The following GSE1 variants were observed in gnomAD, a reference collection of about 807,000 sequenced individuals.
The protein encoded by GSE1 is Gse1 coiled-coil protein.
Under a neutral mutation model 112.6 loss-of-function variants are expected in GSE1, and 32 were observed. The observed-to-expected ratio is 0.28, with a 90% CI of 0.21 to 0.38. The LOEUF is 0.38. Ranked by LOEUF, GSE1 falls within the 10% of genes least tolerant of loss-of-function variation. The probability of loss-of-function intolerance (pLI) is 1.00; values close to 1 mark genes in which losing one functional copy is unlikely to be tolerated. For missense variants in GSE1, 2,348 were observed against 1,699.2 expected (o/e 1.38, Z -6.71); for synonymous variants, 1,115 against 735.6 (o/e 1.52, Z -8.35).
chr16:85,636,580 C>T (rs560507986), intron 2 of GSE1, among the ~76,000 whole-genome samples: 201 of 152,326 alleles, frequency 1.3e-3, no homozygotes, highest in African/African-American at 4.6e-3. Flanking sequence ...GCAGCCCTCC[C>T]GGGACCCTCG....
chr16:85,340,596 G>A (rs549724475), intron 1 of GSE1, among the ~76,000 whole-genome samples: 3 of 152,228 alleles, frequency 2.0e-5, no homozygotes, highest in African/African-American at 2.4e-5. Flanking sequence ...AGCCAAGATC[G>A]CGTCACTGTA....
intron 1 of GSE1, among the ~76,000 whole-genome samples, chr16:85,633,661 C>T (rs1401416796): frequency 6.6e-6 from 1 of 152,238 alleles, no homozygotes; most frequent in Non-Finnish European, 1.5e-5. Context: ...AGGGACAGTG[C>T]TGGCCCAAGC....
At chr16:85,417,429 C>A (rs962129840) in intron 2 of GSE1, among the ~76,000 whole-genome samples, 2 of 135,706 alleles carry the variant, frequency 1.5e-5, no homozygotes, top group African/African-American at 5.4e-5. Context: ...CCTCTGTGTT[C>A]TCCCTGCAGC....
At chr16:85,317,989 G>A (rs1170769251) in intron 1 of GSE1, among the ~76,000 whole-genome samples, 1 of 152,194 alleles carries the variant, frequency 6.6e-6, no homozygotes, top group African/African-American at 2.4e-5. Context: ...GAGAGGAATT[G>A]GCAAGCCAGT....
At chr16:85,601,405 A>T (rs976821558) in intron 1 of GSE1, among the ~76,000 whole-genome samples, 1 of 152,054 alleles carries the variant, frequency 6.6e-6, no homozygotes, top group Non-Finnish European at 1.5e-5. Context: ...TGCAGGGGCC[A>T]GGCTGGTGGG....
At chr16:85,664,261 C>T (rs559536086) in intron 11 of GSE1, among the ~76,000 whole-genome samples, 47 of 152,368 alleles carry the variant, frequency 3.1e-4, no homozygotes, top group Admixed American at 7.2e-4. Context: ...GCCCCTTACG[C>T]ACGCTTTCAA....
At chr16:85,202,590 C>G (rs963863663) in intron 1 of GSE1, among the ~76,000 whole-genome samples, 12 of 152,190 alleles carry the variant, frequency 7.9e-5, no homozygotes, top group African/African-American at 2.4e-4. Flanking sequence ...CCACCCCACA[C>G]AGGGATGTTT....
At chr16:85,335,607 C>T (rs1416746118) in intron 1 of GSE1, among the ~76,000 whole-genome samples, 4 of 152,190 alleles carry the variant, frequency 2.6e-5, no homozygotes, top group Non-Finnish European at 4.4e-5. Flanking sequence ...CCGTGCACCG[C>T]AAAAGGTGCC....
At chr16:85,221,657 C>G (rs1380530250) in intron 1 of GSE1, among the ~76,000 whole-genome samples, 1 of 152,228 alleles carries the variant, frequency 6.6e-6, no homozygotes, top group East Asian at 1.9e-4. Context: ...CCTGAATGGT[C>G]TCGGCCCCGG....
chr16:85,180,887 G>T (rs780541308), intron 1 of GSE1, among the ~76,000 whole-genome samples: 3 of 152,202 alleles, frequency 2.0e-5, no homozygotes, highest in Non-Finnish European at 2.9e-5. Context: ...TGGAATTTAC[G>T]TACCAGTGAT....
chr16:85,171,346 C>T, exon 1 of GSE1: 1 of 985,622 alleles, frequency 1.0e-6, no homozygotes, highest in Non-Finnish European at 1.2e-6. Flanking sequence ...GGAGTTCCAG[C>T]TCAACGTGAA....
intron 2 of GSE1, among the ~76,000 whole-genome samples, chr16:85,519,674 C>CCATCAT (rs2052107522): frequency 7.2e-5 from 7 of 97,154 alleles, no homozygotes; most frequent in East Asian, 8.8e-4. Context: ...ACCACAGTCT[C>CCATCAT]CATCACCTTC....
chr16:85,383,242 A>G (rs888239944), intron 2 of GSE1, among the ~76,000 whole-genome samples: 7 of 152,044 alleles, frequency 4.6e-5, no homozygotes, highest in Non-Finnish European at 8.8e-5. Flanking sequence ...TCACATGCAC[A>G]CACAGCCTGT....
In GSE1 at chr16:85,674,878, C is replaced by G. The variant is rs902019119; in HGVS notation, c.*2339C>G. On this transcript the variant is annotated 3_prime_UTR_variant, in exon 16 of 16. Coordinates refer to ENST00000253458, the MANE Select transcript of GSE1 (RefSeq NM_014615.5). ...GCTTCTTGCCCACTGTCTCCCCATC[C>G]TTCCACCTACTTGTGGCGATCTGAG... 2.6e-5 allele frequency: 4 copies of G among 152,734 alleles called. No individual in the cohort carries two copies. Among genetic ancestry groups the G allele is most frequent in the African/African-American group, 9.6e-5 (4 of 41,454 alleles). 9.5% of individuals were successfully genotyped at this position (152,734 alleles called of 1,614,324 possible). A position where few individuals can be genotyped will look rare whatever the true frequency, so the allele number is the denominator to read the frequency against.
chr16:85,639,977 G>A (rs1404933251), intron 2 of GSE1, among the ~76,000 whole-genome samples: 1 of 152,182 alleles, frequency 6.6e-6, no homozygotes, highest in African/African-American at 2.4e-5. Flanking sequence ...GGAAACAGTT[G>A]GGGGCGATCG....
At chr16:85,324,909 T>G (rs927167612) in intron 1 of GSE1, among the ~76,000 whole-genome samples, 3 of 152,180 alleles carry the variant, frequency 2.0e-5, no homozygotes, top group African/African-American at 2.4e-5. Flanking sequence ...AAGCACTGAG[T>G]TGGACACTTT....
chr16:85,283,699 G>T (rs2044926992), intron 1 of GSE1: 1 of 152,276 alleles, frequency 6.6e-6, no homozygotes, highest in African/African-American at 2.4e-5. Context: ...GGGTAAAACA[G>T]TATTTATGGC....
At chr16:85,313,818 C>T (rs916080026) in intron 1 of GSE1, among the ~76,000 whole-genome samples, 13 of 152,238 alleles carry the variant, frequency 8.5e-5, no homozygotes, top group Non-Finnish European at 1.0e-4. Context: ...CTGCGAGACC[C>T]TCGTACATGC....
At chr16:85,359,484 G>GT (rs1235244229) in intron 2 of GSE1, 4 of 451,814 alleles carry the variant, frequency 8.9e-6, no homozygotes, top group Non-Finnish European at 1.8e-5. Flanking sequence ...AAATGAATGA[G>GT]TCATCCTGAG....
Sources: allele counts gnomAD v4.1 joint callset (sites outside exome capture counted in the v4.1 genomes callset), GRCh38; gene constraint gnomAD v4.1.1; transcripts MANE v1.5; gene names NCBI Gene and HGNC (gene_info 2026-07-23, HGNC 2026-07-21).